The following DAOA variants were observed in gnomAD, a reference collection of about 807,000 sequenced individuals.
The protein encoded by DAOA is D-amino acid oxidase regulator.
In DAOA, 15 loss-of-function variants were observed where a neutral mutation model predicts 16.4. The observed-to-expected ratio is 0.91, with a 90% CI of 0.61 to 1.41. The LOEUF (loss-of-function observed/expected upper bound fraction) is 1.41, where lower values mean the gene tolerates loss of function less well. DAOA is among the 40% of genes most tolerant of loss of function. The pLI, the probability that DAOA is intolerant of heterozygous loss-of-function variation, is 0.00. For missense variants in DAOA, 230 were observed against 176.8 expected (o/e 1.30, Z -1.71); for synonymous variants, 75 against 59.1 (o/e 1.27, Z -1.23).
At chr13:105,481,462 G>A (rs1235771163) in intron 4 of DAOA, among the ~76,000 whole-genome samples, 1 of 152,118 alleles carries the variant, frequency 6.6e-6, no homozygotes, top group Non-Finnish European at 1.5e-5. Flanking sequence ...ACTCTCTGAA[G>A]TGGCTATTTC....
At chr13:105,475,956 C>T (rs541313071) in intron 4 of DAOA, among the ~76,000 whole-genome samples, 114 of 152,116 alleles carry the variant, frequency 7.5e-4, no homozygotes, top group African/African-American at 2.7e-3. Context: ...AAGAACTGCA[C>T]ACTAAATTTT....
At chr13:105,484,366 A>G (rs970763082) in intron 4 of DAOA, among the ~76,000 whole-genome samples, 5 of 152,124 alleles carry the variant, frequency 3.3e-5, no homozygotes, top group African/African-American at 7.2e-5. Flanking sequence ...AATTTCCACA[A>G]TGTAGCTTGC....
chr13:105,473,360 C>T (rs889179570), intron 4 of DAOA, among the ~76,000 whole-genome samples: 2 of 151,720 alleles, frequency 1.3e-5, no homozygotes, highest in South Asian at 2.1e-4. Context: ...GACTTTTTCC[C>T]CTAAATAATG....
chr13:105,480,607 C>T (rs905882901), intron 4 of DAOA, among the ~76,000 whole-genome samples: 3 of 151,868 alleles, frequency 2.0e-5, no homozygotes, highest in Admixed American at 6.6e-5. Flanking sequence ...ATTATAGAGA[C>T]TGAAAAGCCT....
Position 105,489,916 on chromosome 13 carries a change from C to T in DAOA, c.297C>T (p.Ser99=), listed in dbSNP as rs745877017. ...PQPYAELEEV[S]SHVGKVFMAR... is the part of the protein sequence containing the mutation. The stretch of plus-strand genomic sequence containing the variant: ...CTCCTTACAGGCTTGAAGAAGTAAG[C>T]AGCCATGTTGGAAAAGTCTTCATGG... The change falls in exon 5 of 6, where the codon AGC becomes AGT. Residue 99 remains serine, a synonymous_variant. Transcript: ENST00000375936. 16 of 1,613,752 alleles carry T rather than the reference C, an allele frequency of 9.9e-6. No homozygotes were observed. The highest frequency in any genetic ancestry group is 6.6e-5 in the South Asian group (6 of 91,076).
intron 3 of DAOA, among the ~76,000 whole-genome samples, chr13:105,472,170 T>C (rs1029793946): frequency 6.6e-6 from 1 of 152,234 alleles, no homozygotes; most frequent in Non-Finnish European, 1.5e-5. Context: ...GGAAAGGCTA[T>C]GCACATGTTA....
chr13:105,480,386 G>C (rs988998261), intron 4 of DAOA, among the ~76,000 whole-genome samples: 1 of 152,032 alleles, frequency 6.6e-6, no homozygotes, highest in Admixed American at 6.6e-5. Flanking sequence ...AGTCATTAAG[G>C]AAGGAGAGGA....
chr13:105,490,631 A>G (rs866625393), intron 5 of DAOA: 6 of 152,168 alleles, frequency 3.9e-5, no homozygotes, highest in African/African-American at 1.2e-4. Flanking sequence ...TTTAGGGAGA[A>G]TACTAATAAT....
chr13:105,480,741 G>C (rs146975584), intron 4 of DAOA, among the ~76,000 whole-genome samples: 3 of 152,234 alleles, frequency 2.0e-5, no homozygotes, highest in African/African-American at 7.2e-5. Flanking sequence ...TGGGGTGCTA[G>C]TGTAATACCT....
At position 105,472,553 on chromosome 13, in the gene DAOA, A is replaced by G; in HGVS notation, c.149A>G (p.Glu50Gly). The change falls in exon 4 of 6, where the codon GAA (glutamate) becomes GGA (glycine). Residue 50 changes from glutamate (E) to glycine (G), a missense_variant. By Grantham distance (98) the Glu-to-Gly change is moderately conservative (BLOSUM62 -2). Coordinates refer to ENST00000375936, the MANE Select transcript of DAOA (RefSeq NM_172370.5). ...SLNSIAKETE[E>G]GRETVTRKEG... ...ACTGTTGCAGCAAAGGAGACAGAAG[A>G]AGGAAGAGAGACGGTAACAAGGAAA... 2 of 1,613,978 alleles carry G rather than the reference A, an allele frequency of 1.2e-6. No homozygotes were observed. The highest frequency in any genetic ancestry group is 1.7e-6 in the Non-Finnish European group (2 of 1,179,920).
intron 4 of DAOA, among the ~76,000 whole-genome samples, chr13:105,476,108 C>T: frequency 2.0e-5 from 3 of 152,056 alleles, no homozygotes; most frequent in Admixed American, 2.0e-4. Context: ...GTAAATAATT[C>T]TCCACATTAA....
At chr13:105,488,012 G>A (rs1375901503) in intron 4 of DAOA, among the ~76,000 whole-genome samples, 2 of 152,100 alleles carry the variant, frequency 1.3e-5, no homozygotes, top group Non-Finnish European at 2.9e-5. Context: ...TTTAACAGGG[G>A]AAAAAGGCAG....
chr13:105,470,708 C>G lies in DAOA; in HGVS notation c.134-1830C>G, dbSNP rs181041992. Among the ~76,000 whole-genome samples the G allele has an allele frequency of 1.8e-3, 281 of 152,230 alleles. 1 individual carries two copies. The highest frequency in any genetic ancestry group is 6.5e-3 in the African/African-American group (270 of 41,556). On this transcript the variant is annotated intron_variant, in intron 3 of 5. Coordinates refer to ENST00000375936, the MANE Select transcript of DAOA (RefSeq NM_172370.5). ...CACTGCAACCTCTGCGTCCTGGGTT[C>G]AAGCAATTCTCCTGCCTCAGCCTCC... is the stretch of plus-strand genomic sequence containing the variant.
At chr13:105,475,974 G>GCA (rs773968383) in intron 4 of DAOA, among the ~76,000 whole-genome samples, 81 of 152,118 alleles carry the variant, frequency 5.3e-4, no homozygotes, top group Non-Finnish European at 1.0e-3. Context: ...TTTTATGAAT[G>GCA]CACACACATA....
rs759929091 is a variant in DAOA, at chr13:105,481,271, A to G, written c.281+8586A>G. Among the ~76,000 whole-genome samples, 83 of 152,166 alleles carry G rather than the reference A, an allele frequency of 5.5e-4. 1 individual carries two copies. Among genetic ancestry groups the G allele is most frequent in the Middle Eastern group, 6.8e-3 (2 of 294 alleles). On this transcript the variant is annotated intron_variant, in intron 4 of 5. Coordinates refer to ENST00000375936, the MANE Select transcript of DAOA (RefSeq NM_172370.5). The stretch of plus-strand genomic sequence containing the variant: ...GTTGAACTAAAGTATTTCATTTATT[A>G]CTCCCAAGAAGTCTATGGTGAACAT...
intron 4 of DAOA, among the ~76,000 whole-genome samples, chr13:105,489,209 T>C (rs1878340380): frequency 6.6e-6 from 1 of 152,192 alleles, no homozygotes; most frequent in South Asian, 2.1e-4. Context: ...CATTTGCATG[T>C]AAGATGGATG....
At chr13:105,472,475 AT>A in intron 3 of DAOA, 62 bp from the exon 4 acceptor site, 1 of 1,530,258 alleles carries the variant, frequency 6.5e-7, no homozygotes, top group East Asian at 2.4e-5. Context: ...TTAAACCAAC[AT>A]GTATGTTAAA....
chr13:105,470,822 G>A (rs981488252), intron 3 of DAOA, among the ~76,000 whole-genome samples: 4 of 150,260 alleles, frequency 2.7e-5, no homozygotes, highest in African/African-American at 4.9e-5. Flanking sequence ...ATGGAGTCAC[G>A]CTCTGTGGCC....
At chr13:105,478,085 C>G (rs1357921645) in intron 4 of DAOA, among the ~76,000 whole-genome samples, 3 of 152,250 alleles carry the variant, frequency 2.0e-5, no homozygotes, top group East Asian at 1.9e-4. Context: ...TCATTTGTGA[C>G]CATCCAGTTA....
Sources: gnomAD v4.1 joint callset for allele counts (sites outside exome capture counted in the v4.1 genomes callset) on GRCh38, gnomAD v4.1.1 for gene constraint, MANE v1.5 for transcripts, NCBI Gene and HGNC (gene_info 2026-07-23, HGNC 2026-07-21) for gene names.